PTPN11: variants seen among roughly 807,000 people sequenced by gnomAD.
PTPN11 encodes tyrosine-protein phosphatase non-receptor type 11.
A neutral mutation model predicts 78.8 loss-of-function variants in PTPN11; 6 were observed. That is an observed-to-expected ratio of 0.08 (90% confidence interval 0.04 to 0.15). The LOEUF is 0.15. Ranked by LOEUF, PTPN11 falls within the 10% of genes least tolerant of loss-of-function variation. The pLI, the probability that PTPN11 is intolerant of heterozygous loss-of-function variation, is 1.00. For synonymous variants in PTPN11, 221 were observed against 263.5 expected, an observed-to-expected ratio of 0.84 and a Z score of 1.56; for missense variants, 386 against 744.8, an observed-to-expected ratio of 0.52 and a Z score of 5.61.
chr12:112,440,965 C>CT lies in PTPN11; in HGVS notation c.15-5295dup, dbSNP rs376303682. Among the ~76,000 whole-genome samples the CT allele has an allele frequency of 9.2e-3, 1,207 of 131,508 alleles. 13 individuals carry two copies. Among genetic ancestry groups the CT allele is most frequent in the South Asian group, 0.02 (82 of 4,020 alleles). The allele number at this position is 131,508 out of a possible 152,430, so 86.3% of individuals were successfully genotyped here. ...AGCTTTACGATTTTTCTTTTCTTTT[C>CT]TTTTTTTTTTTTTTTTGAGATGGAG... is the stretch of plus-strand genomic sequence containing the variant. On this transcript the variant is annotated intron_variant, in intron 1 of 15. Coordinates refer to ENST00000351677, the MANE Select transcript of PTPN11 (RefSeq NM_002834.5).
At chr12:112,490,934 C>A (rs2038737941) in intron 13 of PTPN11, among the ~76,000 whole-genome samples, 1 of 152,108 alleles carries the variant, frequency 6.6e-6, no homozygotes, top group Non-Finnish European at 1.5e-5. Context: ...TTAAACCCAG[C>A]TGATTTATAA....
At chr12:112,488,227 G>T (rs765998600) in intron 11 of PTPN11, among the ~76,000 whole-genome samples, 1 of 152,182 alleles carries the variant, frequency 6.6e-6, no homozygotes, top group African/African-American at 2.4e-5. Flanking sequence ...CTTACCTCAG[G>T]CACGTTGTAC....
chr12:112,487,033 C>G, intron 11 of PTPN11: 1 of 534,792 alleles, frequency 1.9e-6, no homozygotes. Context: ...TCTTGAGGAT[C>G]CCTTAAGTCA....
chr12:112,504,822 G>T lies in PTPN11; in HGVS notation c.*32+26G>T. On this transcript the variant is annotated intron_variant, in intron 15 of 15. Coordinates refer to ENST00000351677, the MANE Select transcript of PTPN11 (RefSeq NM_002834.5). The surrounding 1 kb of genome is among the most constrained non-coding windows in gnomAD (Gnocchi z 4.7). ...GTATTTAAATGCAAGTGCTCTATTGGTTAATTGTTTATATAATTGGCAGTA... is the reference window on the plus strand; with the variant it reads ...GTATTTAAATGCAAGTGCTCTATTGTTTAATTGTTTATATAATTGGCAGTA... 7 of 1,366,826 alleles carry T rather than the reference G, an allele frequency of 5.1e-6. No homozygotes were observed. Among genetic ancestry groups the T allele is most frequent in the Non-Finnish European group, 7.3e-6 (7 of 960,920 alleles). 84.7% of individuals were successfully genotyped at this position (1,366,826 alleles called of 1,614,324 possible). A position where few individuals can be genotyped will look rare whatever the true frequency, so the allele number is the denominator to read the frequency against.
At chr12:112,494,224 A>G (rs1027283423) in intron 13 of PTPN11, among the ~76,000 whole-genome samples, 3 of 152,196 alleles carry the variant, frequency 2.0e-5, no homozygotes, top group African/African-American at 7.2e-5. Context: ...ACTGCACTTT[A>G]GCCTGGATGT....
At position 112,504,412 on chromosome 12, in the gene PTPN11, C is replaced by G. The variant is rs992756011; in HGVS notation, c.1713-283C>G. 6.6e-6 allele frequency among the ~76,000 whole-genome samples: 1 copy of G among 152,226 alleles called. No homozygotes were observed. Among genetic ancestry groups the G allele is most frequent in the African/African-American group, 2.4e-5 (1 of 41,460 alleles). ...GGTTCACCATATTGGCCAGGCTGGT[C>G]TCAAACTCCTGACCTCGTGATCCAC... On this transcript the variant is annotated intron_variant, in intron 14 of 15. Coordinates refer to ENST00000351677, the MANE Select transcript of PTPN11 (RefSeq NM_002834.5). This position sits in a 1 kb window ranked among gnomAD's most constrained non-coding sequence, Gnocchi z 4.7.
chr12:112,493,733 T>C (rs2038783379), intron 13 of PTPN11, among the ~76,000 whole-genome samples: 1 of 152,104 alleles, frequency 6.6e-6, no homozygotes, highest in African/African-American at 2.4e-5. Flanking sequence ...GTACATTAGA[T>C]CTCCAAAATG....
rs549537066 is a variant in PTPN11, at chr12:112,497,162, A to G, written c.1600-4982A>G. 1.5e-4 allele frequency among the ~76,000 whole-genome samples: 21 copies of G among 139,730 alleles called. No homozygotes were observed. The South Asian group carries it at 4.5e-3, about 30-fold the overall frequency. The allele number at this position is 139,730 out of a possible 152,430, so 91.7% of individuals were successfully genotyped here. A position where few individuals can be genotyped will look rare whatever the true frequency, so the allele number is the denominator to read the frequency against. On this transcript the variant is annotated intron_variant, in intron 13 of 15. Coordinates refer to ENST00000351677, the MANE Select transcript of PTPN11 (RefSeq NM_002834.5). ...ACTCCAGTCTGGGCGACAGAGCGAG[A>G]CTCTGTCTCAAAAAAAAAAAAAAAA...
intron 6 of PTPN11, among the ~76,000 whole-genome samples, chr12:112,470,465 G>A (rs941769628): frequency 2.6e-5 from 4 of 152,348 alleles, no homozygotes; most frequent in East Asian, 1.9e-4. Context: ...GTAGCTTGGC[G>A]AAACAGAAAG....
chr12:112,438,262 T>C (rs772421326), intron 1 of PTPN11, among the ~76,000 whole-genome samples: 27 of 152,080 alleles, frequency 1.8e-4, no homozygotes, highest in Non-Finnish European at 3.8e-4. Flanking sequence ...AATCTGGAAG[T>C]TTGGGCATTC....
At position 112,482,528 on chromosome 12, in the gene PTPN11, A is replaced by C. The variant is rs1361258294; in HGVS notation, c.1224+323A>C. Among the ~76,000 whole-genome samples the C allele has an allele frequency of 6.6e-6, 1 of 152,030 alleles. No individual in the cohort carries two copies. Among genetic ancestry groups the C allele is most frequent in the African/African-American group, 2.4e-5 (1 of 41,384 alleles). ...GGTGGGTGGATCGCTTGAGCCGGGG[A>C]GTTCGAGACCAGCCCTGGGTGGGAG... On this transcript the variant is annotated intron_variant, in intron 10 of 15. Transcript: ENST00000351677. This position sits in a 1 kb window ranked among gnomAD's most constrained non-coding sequence, Gnocchi z 4.4.
chr12:112,478,484 C>G (rs1216066257), intron 9 of PTPN11, among the ~76,000 whole-genome samples: 1 of 151,820 alleles, frequency 6.6e-6, no homozygotes, highest in African/African-American at 2.4e-5. Flanking sequence ...TTGAAGTTGT[C>G]TCATAGCCCA....
At position 112,419,022 on chromosome 12, in the gene PTPN11, G is replaced by A. The variant is rs531915358; in HGVS notation, c.-90G>A. On this transcript the variant is annotated 5_prime_UTR_variant, in exon 1 of 16. Transcript: ENST00000351677. ...CTCTGCCCCGCGTCCGGTCCCGAGC[G>A]GGCCTCCCTCGGGCCAGCCCGATGT... The A allele has an allele frequency of 2.6e-4, 393 of 1,503,474 alleles. 4 individuals carry two copies. The East Asian group carries it at 4.5e-3, about 17-fold the overall frequency. The allele number at this position is 1,503,474 out of a possible 1,614,324, so 93.1% of individuals were successfully genotyped here.
intron 2 of PTPN11, among the ~76,000 whole-genome samples, chr12:112,449,075 C>T (rs1046705185): frequency 1.3e-5 from 2 of 151,304 alleles, no homozygotes; most frequent in Non-Finnish European, 3.0e-5. Flanking sequence ...TTAGTAGGGA[C>T]GGGGTTTCAC....
In PTPN11 at chr12:112,442,830, T is replaced by TTATATATA. The variant is rs71086107; in HGVS notation, c.15-3405_15-3398dup. On this transcript the variant is annotated intron_variant, in intron 1 of 15. Transcript: ENST00000351677. The stretch of plus-strand genomic sequence containing the variant: ...CTCTCTCCTCTCTCTCTCTCTCTTT[T>TTATATATA]TATATATATATATATATATATATAT... Among the ~76,000 whole-genome samples, 396 of 43,398 alleles carry TTATATATA rather than the reference T, an allele frequency of 9.1e-3. 6 individuals are homozygous for TTATATATA. Among genetic ancestry groups the TTATATATA allele is most frequent in the Non-Finnish European group, 0.017 (278 of 16,694 alleles). 28.5% of individuals were successfully genotyped at this position (43,398 alleles called of 152,430 possible). A position where few individuals can be genotyped will look rare whatever the true frequency, so the allele number is the denominator to read the frequency against.
At chr12:112,428,325 A>T (rs762076262) in intron 1 of PTPN11, among the ~76,000 whole-genome samples, 1 of 151,072 alleles carries the variant, frequency 6.6e-6, no homozygotes, top group Non-Finnish European at 1.5e-5. Flanking sequence ...TTGTTGGTTC[A>T]GTTTTTAAAC....
chr12:112,442,801 T>TA (rs1205609708), intron 1 of PTPN11, among the ~76,000 whole-genome samples: 2 of 132,214 alleles, frequency 1.5e-5, no homozygotes, highest in Non-Finnish European at 3.3e-5. Flanking sequence ...GTACCATGTT[T>TA]ACTCTCTCTC....
intron 1 of PTPN11, among the ~76,000 whole-genome samples, chr12:112,424,042 G>A (rs2037566405): frequency 6.6e-6 from 1 of 152,158 alleles, no homozygotes; most frequent in Non-Finnish European, 1.5e-5. Context: ...GTGAACCACT[G>A]TACCTGGCCT....
chr12:112,469,583 C>T (rs1021544400), intron 6 of PTPN11, among the ~76,000 whole-genome samples: 4 of 152,014 alleles, frequency 2.6e-5, no homozygotes, highest in Admixed American at 6.6e-5. Context: ...GACACAATCT[C>T]GGCTCACTGC....
Sources: gnomAD v4.1 joint callset for allele counts (sites outside exome capture counted in the v4.1 genomes callset) on GRCh38, gnomAD v4.1.1 for gene constraint, Gnocchi (gnomAD v3.1) non-coding constraint, MANE v1.5 for transcripts, NCBI Gene and HGNC (gene_info 2026-07-23, HGNC 2026-07-21) for gene names.